Variants in MECOM observed in about 807,000 individuals in gnomAD.
MECOM encodes histone-lysine N-methyltransferase MECOM.
MECOM carries 13 observed loss-of-function variants against 116.3 expected under a neutral mutation model. That is an observed-to-expected ratio of 0.11 (90% CI 0.07 to 0.18). MECOM has a LOEUF of 0.18. MECOM is among the 10% of genes least tolerant of loss of function. The pLI is 1.00. For synonymous variants in MECOM, 528 were observed against 535.2 expected (o/e 0.99, Z 0.19); for missense variants, 1,299 against 1,509.0 (o/e 0.86, Z 2.31).
chr3:169,339,717 A>C (rs1663490823), intron 2 of MECOM, among the ~76,000 whole-genome samples: 1 of 152,202 alleles, frequency 6.6e-6, no homozygotes, highest in Non-Finnish European at 1.5e-5. Flanking sequence ...AAGATGAGCT[A>C]CAGGATGGGG....
chr3:169,084,588 C>T lies in MECOM; in HGVS notation c.*321G>A. 1 of 300,024 alleles carries T rather than the reference C, an allele frequency of 3.3e-6. No homozygotes were observed. Among genetic ancestry groups the T allele is most frequent in the Non-Finnish European group, 6.2e-6 (1 of 160,092 alleles). 18.6% of individuals were successfully genotyped at this position (300,024 alleles called of 1,614,324 possible). A position where few individuals can be genotyped will look rare whatever the true frequency, so the allele number is the denominator to read the frequency against. ...CCATCTCAACTGCCCTTCTCACCCA[C>T]CCATACCCTAAGGTGGGGTAAACTG... On this transcript the variant is annotated 3_prime_UTR_variant, in exon 17 of 17. Coordinates refer to ENST00000651503, the MANE Select transcript of MECOM (RefSeq NM_004991.4).
At chr3:169,438,141 T>G (rs893204034) in intron 1 of MECOM, among the ~76,000 whole-genome samples, 4 of 152,214 alleles carry the variant, frequency 2.6e-5, no homozygotes, top group Non-Finnish European at 4.4e-5. Flanking sequence ...CAAACCCTGA[T>G]TGTCTAGCTC....
In MECOM at chr3:169,611,384, T is replaced by C. The variant is rs1460620856; in HGVS notation, c.37+51952A>G. Among the ~76,000 whole-genome samples the C allele has an allele frequency of 6.6e-6, 1 of 152,190 alleles. No homozygotes were observed. Among genetic ancestry groups the C allele is most frequent in the Non-Finnish European group, 1.5e-5 (1 of 68,036 alleles). On this transcript the variant is annotated intron_variant, in intron 1 of 16. Coordinates refer to ENST00000651503, the MANE Select transcript of MECOM (RefSeq NM_004991.4). The surrounding 1 kb of genome is among the most constrained non-coding windows in gnomAD (Gnocchi z 4.1). ...AGCTCTCAACCATGCGGAGGAACGC[T>C]TCCATTCACACATTTTGTCCCCCTA...
At chr3:169,318,560 A>C (rs928257677) in intron 2 of MECOM, among the ~76,000 whole-genome samples, 1 of 152,214 alleles carries the variant, frequency 6.6e-6, no homozygotes, top group Non-Finnish European at 1.5e-5. Context: ...AATCAAAACC[A>C]CAATGAGATA....
intron 1 of MECOM, among the ~76,000 whole-genome samples, chr3:169,599,439 G>A (rs1767555812): frequency 6.6e-6 from 1 of 151,228 alleles, no homozygotes; most frequent in African/African-American, 2.4e-5. Flanking sequence ...CTTGAACCCA[G>A]GAGGCGGAGG....
intron 1 of MECOM, among the ~76,000 whole-genome samples, chr3:169,516,625 C>A (rs1233864611): frequency 6.6e-6 from 1 of 152,124 alleles, no homozygotes. Context: ...GTACCATGAC[C>A]ACATGTGACA....
chr3:169,609,030 G>T (rs1180546350), intron 1 of MECOM, among the ~76,000 whole-genome samples: 1 of 152,164 alleles, frequency 6.6e-6, no homozygotes, highest in African/African-American at 2.4e-5. Flanking sequence ...TTCATGTGAT[G>T]AGAAGATAAA....
intron 16 of MECOM, among the ~76,000 whole-genome samples, chr3:169,088,731 G>T (rs1022911412): frequency 6.6e-6 from 1 of 152,094 alleles, no homozygotes; most frequent in Non-Finnish European, 1.5e-5. Context: ...AAAAGTAAGA[G>T]AATTGCAAAG....
chr3:169,171,502 C>T (rs985462303), intron 2 of MECOM, among the ~76,000 whole-genome samples: 11 of 151,958 alleles, frequency 7.2e-5, no homozygotes, highest in South Asian at 4.2e-4. Context: ...AGTTATAAAG[C>T]TCTTTAACAT....
intron 1 of MECOM, among the ~76,000 whole-genome samples, chr3:169,644,639 T>G (rs1773928845): frequency 6.6e-6 from 1 of 152,172 alleles, no homozygotes; most frequent in Non-Finnish European, 1.5e-5. Flanking sequence ...CTGGCTTTAA[T>G]CTCTCTTTTC....
At chr3:169,600,313 T>C (rs1304183955) in intron 1 of MECOM, among the ~76,000 whole-genome samples, 2 of 152,084 alleles carry the variant, frequency 1.3e-5, no homozygotes, top group Non-Finnish European at 2.9e-5. Flanking sequence ...CATAAAATCA[T>C]AGCAAATTAT....
At chr3:169,325,047 A>G (rs1350695082) in intron 2 of MECOM, among the ~76,000 whole-genome samples, 2 of 152,156 alleles carry the variant, frequency 1.3e-5, no homozygotes, top group Admixed American at 1.3e-4. Context: ...GATCAAAACC[A>G]GATCTTGAAG....
At chr3:169,540,231 C>T (rs1220914910) in intron 1 of MECOM, among the ~76,000 whole-genome samples, 1 of 152,186 alleles carries the variant, frequency 6.6e-6, no homozygotes, top group Non-Finnish European at 1.5e-5. Flanking sequence ...TTACCTCTCA[C>T]CATTCACCTG....
At chr3:169,161,060 C>T (rs1021025676) in intron 2 of MECOM, among the ~76,000 whole-genome samples, 1 of 152,160 alleles carries the variant, frequency 6.6e-6, no homozygotes, top group Non-Finnish European at 1.5e-5. Flanking sequence ...GTTCAATTTG[C>T]TCCACAAGTA....
chr3:169,359,810 T>C (rs1415023370), intron 2 of MECOM, among the ~76,000 whole-genome samples: 1 of 151,776 alleles, frequency 6.6e-6, no homozygotes, highest in Admixed American at 6.6e-5. Context: ...CAATTAAATG[T>C]ATTACTAAAT....
At chr3:169,353,381 T>A (rs866322041) in intron 2 of MECOM, among the ~76,000 whole-genome samples, 24 of 151,972 alleles carry the variant, frequency 1.6e-4, no homozygotes, top group African/African-American at 5.5e-4. Flanking sequence ...TAATAACAAT[T>A]AAAATGGAGA....
chr3:169,349,148 A>C (rs1180914861), intron 2 of MECOM, among the ~76,000 whole-genome samples: 1 of 150,976 alleles, frequency 6.6e-6, no homozygotes, highest in Non-Finnish European at 1.5e-5. Context: ...TTTTATTTTA[A>C]GGAGCCCTAA....
intron 8 of MECOM, among the ~76,000 whole-genome samples, chr3:169,113,365 T>TTC (rs201967590): frequency 1.5e-5 from 2 of 135,940 alleles, no homozygotes; most frequent in Admixed American, 1.4e-4. Context: ...CTCTTTGAGG[T>TTC]TCTCTCTCTC....
intron 2 of MECOM, among the ~76,000 whole-genome samples, chr3:169,168,129 T>C (rs1743878537): frequency 6.6e-6 from 1 of 152,134 alleles, no homozygotes; most frequent in African/African-American, 2.4e-5. Flanking sequence ...TCATAATCAG[T>C]TTTATTTAGA....
Sources: allele counts gnomAD v4.1 joint callset (sites outside exome capture counted in the v4.1 genomes callset), GRCh38; gene constraint gnomAD v4.1.1; non-coding constraint Gnocchi (gnomAD v3.1); transcripts MANE v1.5; gene names NCBI Gene and HGNC (gene_info 2026-07-23, HGNC 2026-07-21).